The following HUNK variants were observed in gnomAD, a reference collection of about 807,000 sequenced individuals.
HUNK encodes hormonally up-regulated neu tumor-associated kinase.
A neutral mutation model predicts 61.0 loss-of-function variants in HUNK; 21 were observed. The observed-to-expected ratio is 0.34, with a 90% CI of 0.24 to 0.50. The LOEUF is 0.50. HUNK is among the 20% of genes least tolerant of loss of function. The pLI is 0.98. For missense variants in HUNK, 772 were observed against 945.7 expected (o/e 0.82, Z 2.41); for synonymous variants, 371 against 386.1 (o/e 0.96, Z 0.46).
chr21:31,938,299 C>T (rs1031838496), intron 2 of HUNK, among the ~76,000 whole-genome samples: 3 of 152,034 alleles, frequency 2.0e-5, no homozygotes, highest in African/African-American at 4.8e-5. Context: ...CACAATCTCA[C>T]GTCCTTTCAA....
intron 8 of HUNK, among the ~76,000 whole-genome samples, chr21:31,987,236 G>T (rs1241306567): frequency 6.6e-6 from 1 of 152,188 alleles, no homozygotes; most frequent in Non-Finnish European, 1.5e-5. Context: ...TCACCAAATG[G>T]CCGTGCCTTA....
chr21:31,924,369 G>A lies in HUNK; in HGVS notation c.262-99G>A. The A allele has an allele frequency of 9.5e-7, 1 of 1,053,518 alleles. No individual in the cohort carries two copies. The allele number at this position is 1,053,518 out of a possible 1,614,324, so 65.3% of individuals were successfully genotyped here. A position where few individuals can be genotyped will look rare whatever the true frequency, so the allele number is the denominator to read the frequency against. The stretch of plus-strand genomic sequence containing the variant: ...TTAGGTAAGGTGTTTCTCCTCTGCA[G>A]AGACATAGCTAGCATTTTTCTTGGG... On this transcript the variant is annotated intron_variant, in intron 1 of 10. Transcript: ENST00000270112. This position sits in a 1 kb window ranked among gnomAD's most constrained non-coding sequence, Gnocchi z 5.1.
intron 1 of HUNK, among the ~76,000 whole-genome samples, chr21:31,923,182 G>A (rs79969740): frequency 0.041 from 6,186 of 152,252 alleles, 158 homozygotes; most frequent in Middle Eastern, 0.12. Flanking sequence ...GGTGACTCAC[G>A]CCTTTGACGC....
chr21:31,894,294 T>A (rs1289258751), intron 1 of HUNK, among the ~76,000 whole-genome samples: 1 of 152,122 alleles, frequency 6.6e-6, no homozygotes, highest in Non-Finnish European at 1.5e-5. Context: ...TGATGACTTC[T>A]CCCTCTTCCA....
chr21:31,917,646 T>C (rs1366310944), intron 1 of HUNK, among the ~76,000 whole-genome samples: 1 of 150,086 alleles, frequency 6.7e-6, no homozygotes, highest in Non-Finnish European at 1.5e-5. Flanking sequence ...CTTGTGCTCA[T>C]GATGACATCC....
chr21:31,945,693 T>A (rs1349250102), intron 3 of HUNK, among the ~76,000 whole-genome samples: 1 of 152,144 alleles, frequency 6.6e-6, no homozygotes, highest in Non-Finnish European at 1.5e-5. Flanking sequence ...TCTTCCTGCC[T>A]TCATCCTAGA....
chr21:31,921,740 A>G (rs1421415195), intron 1 of HUNK, among the ~76,000 whole-genome samples: 1 of 152,226 alleles, frequency 6.6e-6, no homozygotes, highest in Non-Finnish European at 1.5e-5. Context: ...GGGGGTGGCC[A>G]GACTTTTATT....
At chr21:31,996,035 C>A in intron 10 of HUNK, 87 bp downstream of exon 10, 1 of 997,804 alleles carries the variant, frequency 1.0e-6, no homozygotes, top group Non-Finnish European at 1.5e-6. Flanking sequence ...GTCGAATGGG[C>A]CCTAGAGCAG....
chr21:31,965,133 T>A (rs1285512279), intron 5 of HUNK, among the ~76,000 whole-genome samples: 1 of 152,124 alleles, frequency 6.6e-6, no homozygotes, highest in African/African-American at 2.4e-5. Context: ...TCTGTTTGAT[T>A]TTCGGGTTAT....
At chr21:31,972,736 T>C (rs1381244549) in intron 6 of HUNK, among the ~76,000 whole-genome samples, 1 of 152,228 alleles carries the variant, frequency 6.6e-6, no homozygotes, top group East Asian at 1.9e-4. Flanking sequence ...CCACATGTTA[T>C]CTGGAATGTG....
At chr21:31,934,830 G>A (rs547718226) in intron 2 of HUNK, among the ~76,000 whole-genome samples, 2 of 152,190 alleles carry the variant, frequency 1.3e-5, no homozygotes, top group South Asian at 4.2e-4. Flanking sequence ...TGCTGCAGAG[G>A]GCATGATTTC....
chr21:31,912,295 G>A (rs997786953), intron 1 of HUNK, among the ~76,000 whole-genome samples: 2 of 152,128 alleles, frequency 1.3e-5, no homozygotes, highest in South Asian at 4.1e-4. Context: ...CCTGGAAGGG[G>A]GTTCTGAAAG....
intron 6 of HUNK, among the ~76,000 whole-genome samples, chr21:31,968,842 T>TTGTG (rs56695834): frequency 1.5e-4 from 21 of 140,582 alleles, no homozygotes; most frequent in Admixed American, 6.5e-4. Flanking sequence ...GTGTGTAAAT[T>TTGTG]TGTGTGTGTG....
chr21:31,922,023 T>C (rs1412835231), intron 1 of HUNK, among the ~76,000 whole-genome samples: 1 of 152,194 alleles, frequency 6.6e-6, no homozygotes, highest in Non-Finnish European at 1.5e-5. Flanking sequence ...CAATTTTCTT[T>C]CTTTTTTTTT....
intron 6 of HUNK, among the ~76,000 whole-genome samples, chr21:31,969,508 T>C (rs1448956626): frequency 6.6e-6 from 1 of 152,118 alleles, no homozygotes; most frequent in Non-Finnish European, 1.5e-5. Context: ...GGGCTCCCTG[T>C]GCAGCCCACG....
chr21:31,895,556 A>C (rs1601364005), intron 1 of HUNK, among the ~76,000 whole-genome samples: 1 of 152,276 alleles, frequency 6.6e-6, no homozygotes, highest in Non-Finnish European at 1.5e-5. Context: ...CTCTATGTGT[A>C]ATGGGAGAGG....
At chr21:31,906,793 G>A (rs1379816832) in intron 1 of HUNK, among the ~76,000 whole-genome samples, 2 of 152,180 alleles carry the variant, frequency 1.3e-5, no homozygotes, top group Admixed American at 6.5e-5. Flanking sequence ...GGCTCAGAGG[G>A]TGTGTGGTTT....
intron 1 of HUNK, among the ~76,000 whole-genome samples, chr21:31,899,611 A>G (rs2052449549): frequency 6.6e-6 from 1 of 152,034 alleles, no homozygotes; most frequent in African/African-American, 2.4e-5. Context: ...TTTATGGGAA[A>G]CCCAATTTAA....
At position 31,928,462 on chromosome 21, in the gene HUNK, G is replaced by A. The variant is rs559530567; in HGVS notation, c.554+3702G>A. Among the ~76,000 whole-genome samples, 12 of 152,240 alleles carry A rather than the reference G, an allele frequency of 7.9e-5. No homozygotes were observed. In the South Asian group the frequency reaches 1.0e-3, roughly 13 times the overall value. ...TTAATAATGTTTTGATAGCAAAGAC[G>A]GTATACTTTTTCTTTCTCTGATCTC... On this transcript the variant is annotated intron_variant, in intron 2 of 10. Transcript: ENST00000270112.
Sources: allele counts gnomAD v4.1 joint callset (sites outside exome capture counted in the v4.1 genomes callset), GRCh38; gene constraint gnomAD v4.1.1; non-coding constraint Gnocchi (gnomAD v3.1); transcripts MANE v1.5; gene names NCBI Gene and HGNC (gene_info 2026-07-23, HGNC 2026-07-21).